The following PSMB7 variants were observed in gnomAD, a reference collection of about 807,000 sequenced individuals.
PSMB7 encodes the protein proteasome 20S subunit beta 7.
Under a neutral mutation model 28.1 loss-of-function variants are expected in PSMB7, and 5 were observed. That is an observed-to-expected ratio of 0.18 (90% CI 0.09 to 0.37). The LOEUF (loss-of-function observed/expected upper bound fraction) is 0.37. Ranked by LOEUF, PSMB7 falls within the 10% of genes least tolerant of loss-of-function variation. The pLI is 1.00. For missense variants in PSMB7, 275 were observed against 346.2 expected, an observed-to-expected ratio of 0.79 and a Z score of 1.63; for synonymous variants, 122 against 123.7, an observed-to-expected ratio of 0.99 and a Z score of 0.09.
chr9:124,396,734 CAA>C (rs556650049), intron 5 of PSMB7: 52 of 457,970 alleles, frequency 1.1e-4, no homozygotes, highest in African/African-American at 6.3e-4. Flanking sequence ...CAGGCAAAAA[CAA>C]AAATTTTATA....
intron 4 of PSMB7, among the ~76,000 whole-genome samples, chr9:124,410,694 A>G (rs1318867086): frequency 6.6e-6 from 1 of 152,326 alleles, no homozygotes; most frequent in South Asian, 2.1e-4. Flanking sequence ...TCCTATCCAT[A>G]TGACTCTAGG....
At chr9:124,405,195 T>C in intron 5 of PSMB7, 122 bp downstream of exon 5, 1 of 658,874 alleles carries the variant, frequency 1.5e-6, no homozygotes, top group Admixed American at 2.9e-5. Flanking sequence ...CAGTATATAT[T>C]TGCTGAATGA....
At chr9:124,399,506 A>G (rs912352) in intron 5 of PSMB7, among the ~76,000 whole-genome samples, 148,699 of 152,304 alleles carry the variant, frequency 0.98, 72,676 homozygotes, top group East Asian at 1. Context: ...AGGCAGCAAC[A>G]GCTGTTAGGC....
intron 5 of PSMB7, among the ~76,000 whole-genome samples, chr9:124,386,812 C>T (rs1830725420): frequency 6.6e-6 from 1 of 151,368 alleles, no homozygotes; most frequent in African/African-American, 2.4e-5. Flanking sequence ...GGGGCCATTC[C>T]TTTCCTTGGC....
chr9:124,378,151 T>C (rs1830631831), intron 6 of PSMB7, among the ~76,000 whole-genome samples: 1 of 152,266 alleles, frequency 6.6e-6, no homozygotes, highest in Non-Finnish European at 1.5e-5. Context: ...CAACTTGAGA[T>C]TCTAGCAAAA....
intron 4 of PSMB7, 118 bp downstream of exon 4, chr9:124,412,234 C>T (rs1831035146): frequency 4.6e-6 from 5 of 1,082,970 alleles, no homozygotes; most frequent in Admixed American, 2.4e-5. Context: ...AACTGATTTC[C>T]GGAACAAAAT....
At chr9:124,398,534 G>GAT in intron 5 of PSMB7, 1 of 306,196 alleles carries the variant, frequency 3.3e-6, no homozygotes, top group South Asian at 3.0e-5. Flanking sequence ...AAATTGTGGA[G>GAT]ATATATATGC....
chr9:124,400,718 T>C (rs1411157151), intron 5 of PSMB7, among the ~76,000 whole-genome samples: 1 of 151,722 alleles, frequency 6.6e-6, no homozygotes, highest in African/African-American at 2.4e-5. Flanking sequence ...CTTCCTTAAA[T>C]CATCCAGTGA....
chr9:124,394,104 T>C (rs1830819155), intron 5 of PSMB7, among the ~76,000 whole-genome samples: 1 of 152,218 alleles, frequency 6.6e-6, no homozygotes, highest in African/African-American at 2.4e-5. Flanking sequence ...TCCACTTTAA[T>C]TGATGGACTA....
intron 5 of PSMB7, among the ~76,000 whole-genome samples, chr9:124,398,028 C>T (rs539592035): frequency 4.6e-5 from 7 of 152,114 alleles, no homozygotes; most frequent in South Asian, 2.1e-4. Context: ...ATTAGCAGGG[C>T]GTGGCTAATT....
At chr9:124,357,985 A>G (rs755329567) in intron 6 of PSMB7, among the ~76,000 whole-genome samples, 1 of 152,232 alleles carries the variant, frequency 6.6e-6, no homozygotes, top group Non-Finnish European at 1.5e-5. Flanking sequence ...CCTGGGGAAC[A>G]CCAAGTTCAA....
intron 4 of PSMB7, among the ~76,000 whole-genome samples, chr9:124,406,404 AG>A (rs1830963825): frequency 6.6e-6 from 1 of 151,068 alleles, no homozygotes; most frequent in African/African-American, 2.4e-5. Flanking sequence ...TGGGAGGCTA[AG>A]GTGAGAGGAT....
chr9:124,357,394 T>C (rs1830420065), intron 6 of PSMB7, among the ~76,000 whole-genome samples: 1 of 152,188 alleles, frequency 6.6e-6, no homozygotes, highest in Non-Finnish European at 1.5e-5. Context: ...GTTTACTAAC[T>C]ATCCCCTGAT....
intron 5 of PSMB7, among the ~76,000 whole-genome samples, chr9:124,386,678 G>A (rs941015420): frequency 6.6e-6 from 1 of 152,244 alleles, no homozygotes; most frequent in Non-Finnish European, 1.5e-5. Context: ...AAAGGACAGG[G>A]AGAAGACAGG....
intron 6 of PSMB7, chr9:124,384,309 A>G (rs181575103): frequency 2.8e-6 from 1 of 361,250 alleles, no homozygotes; most frequent in East Asian, 4.2e-5. Context: ...GTGCGCAAGA[A>G]AACATTCCAC....
chr9:124,379,247 A>T (rs1382518354), intron 6 of PSMB7, among the ~76,000 whole-genome samples: 1 of 152,236 alleles, frequency 6.6e-6, no homozygotes, highest in Non-Finnish European at 1.5e-5. Flanking sequence ...AGGTGAAATT[A>T]TCAAACTGTT....
chr9:124,355,316 G>C (rs997382195), intron 7 of PSMB7, among the ~76,000 whole-genome samples: 2 of 152,226 alleles, frequency 1.3e-5, no homozygotes, highest in Non-Finnish European at 2.9e-5. Flanking sequence ...TAGAGCCTCT[G>C]TTTACAAGTG....
chr9:124,406,003 G>C (rs1481364476), intron 4 of PSMB7, among the ~76,000 whole-genome samples: 1 of 151,968 alleles, frequency 6.6e-6, no homozygotes, highest in Non-Finnish European at 1.5e-5. Context: ...CCCTTTAAAA[G>C]ACAACATTAT....
chr9:124,415,101 A>G, intron 1 of PSMB7, 166 bp from the exon 2 acceptor site: 1 of 632,540 alleles, frequency 1.6e-6, no homozygotes, highest in Non-Finnish European at 2.7e-6. Flanking sequence ...TTTCCAACGA[A>G]GACAGTCTTA....
Sources: allele counts gnomAD v4.1 joint callset (sites outside exome capture counted in the v4.1 genomes callset), GRCh38; gene constraint gnomAD v4.1.1; transcripts MANE v1.5; gene names NCBI Gene and HGNC (gene_info 2026-07-23, HGNC 2026-07-21).